Variants in PRELID2 observed in about 807,000 individuals in gnomAD.
PRELID2 encodes the protein PRELI domain-containing protein 2.
Under a neutral mutation model 28.4 loss-of-function variants are expected in PRELID2, and 25 were observed. The ratio of observed to expected loss-of-function variants is 0.88; its 90% CI spans 0.64 to 1.23. The LOEUF (loss-of-function observed/expected upper bound fraction) is 1.23. PRELID2 is among the 50% of genes most tolerant of loss of function. The pLI is 0.00. For missense variants in PRELID2, 201 were observed against 214.4 expected (o/e 0.94, Z 0.39); for synonymous variants, 76 against 71.6 (o/e 1.06, Z -0.31).
intron 1 of PRELID2, among the ~76,000 whole-genome samples, chr5:145,652,787 T>C (rs186746611): frequency 0.08 from 12,154 of 152,198 alleles, 670 homozygotes; most frequent in Admixed American, 0.18. Flanking sequence ...TACCAGCCAC[T>C]GCAAAAACAT....
intron 1 of PRELID2, among the ~76,000 whole-genome samples, chr5:145,683,808 A>G (rs924441300): frequency 3.3e-5 from 5 of 152,208 alleles, no homozygotes; most frequent in Admixed American, 1.3e-4. Context: ...GAGCTGACCA[A>G]TCACAAAGGG....
the PRELID2 span, among the ~76,000 whole-genome samples, chr5:145,466,132 A>G: frequency 6.6e-6 from 1 of 152,148 alleles, no homozygotes; most frequent in Non-Finnish European, 1.5e-5. Context: ...AGTCCTTGGA[A>G]GCTGAACAGT....
chr5:145,257,732 G>A, the PRELID2 span, among the ~76,000 whole-genome samples: 1 of 152,172 alleles, frequency 6.6e-6, no homozygotes, highest in Non-Finnish European at 1.5e-5. Context: ...TATTATCAGA[G>A]ACAAAGAAAG....
intron 1 of PRELID2, 111 bp downstream of exon 1, chr5:145,835,066 G>A (rs1755846374): frequency 8.4e-6 from 6 of 717,090 alleles, no homozygotes; most frequent in Non-Finnish European, 1.4e-5. Flanking sequence ...AGCAAAGCCC[G>A]CAGCTGGAAA....
At chr5:145,723,038 T>C (rs1756035042) in intron 1 of PRELID2, among the ~76,000 whole-genome samples, 1 of 152,144 alleles carries the variant, frequency 6.6e-6, no homozygotes, top group East Asian at 1.9e-4. Context: ...TCAAAAATCA[T>C]TGTATGAAGC....
chr5:145,653,838 A>T (rs574612908), intron 1 of PRELID2, among the ~76,000 whole-genome samples: 21 of 152,344 alleles, frequency 1.4e-4, no homozygotes, highest in African/African-American at 5.1e-4. Flanking sequence ...AATTAAAAGA[A>T]TTAGAGAAGC....
the PRELID2 span, among the ~76,000 whole-genome samples, chr5:145,411,034 C>T: frequency 3.3e-5 from 5 of 152,074 alleles, no homozygotes; most frequent in Non-Finnish European, 5.9e-5. Context: ...AAAGGGCCTA[C>T]AGTCTCCATG....
intron 1 of PRELID2, among the ~76,000 whole-genome samples, chr5:145,828,457 GAAGAT>G (rs1425667456): frequency 6.6e-6 from 1 of 152,114 alleles, no homozygotes; most frequent in Non-Finnish European, 1.5e-5. Context: ...AAAATGATTA[GAAGAT>G]AATATATCTG....
intron 4 of PRELID2, among the ~76,000 whole-genome samples, chr5:145,800,266 T>C (rs1753039509): frequency 6.7e-6 from 1 of 150,156 alleles, no homozygotes; most frequent in African/African-American, 2.5e-5. Context: ...AGAATTCCTC[T>C]CTCCCTCTCC....
chr5:145,551,895 A>G (rs1752838565), intron 1 of PRELID2, among the ~76,000 whole-genome samples: 1 of 152,106 alleles, frequency 6.6e-6, no homozygotes, highest in African/African-American at 2.4e-5. Flanking sequence ...GACACAGCCA[A>G]CCCACAGCCC....
chr5:145,754,967 C>T (rs1757218866), downstream of PRELID2, among the ~76,000 whole-genome samples: 1 of 152,148 alleles, frequency 6.6e-6, no homozygotes, highest in Non-Finnish European at 1.5e-5. Context: ...AAACTCTACA[C>T]TCAATAAGTG....
At chr5:145,660,181 T>C (rs1754466299) in intron 1 of PRELID2, among the ~76,000 whole-genome samples, 1 of 152,112 alleles carries the variant, frequency 6.6e-6, no homozygotes, top group South Asian at 2.1e-4. Flanking sequence ...GAATCACAGG[T>C]TTCTCTGGAG....
At chr5:145,399,572 C>T in the PRELID2 span, among the ~76,000 whole-genome samples, 1 of 151,990 alleles carries the variant, frequency 6.6e-6, no homozygotes, top group African/African-American at 2.4e-5. Context: ...GACCATTTAC[C>T]CTCTATATAG....
At chr5:145,746,343 A>G (rs973122497) in intron 1 of PRELID2, among the ~76,000 whole-genome samples, 1 of 152,154 alleles carries the variant, frequency 6.6e-6, no homozygotes, top group African/African-American at 2.4e-5. Flanking sequence ...AATGGAAAGC[A>G]AAAAAACAAA....
chr5:145,306,963 T>C, the PRELID2 span, among the ~76,000 whole-genome samples: 1 of 152,218 alleles, frequency 6.6e-6, no homozygotes, highest in Non-Finnish European at 1.5e-5. Context: ...ACAACTACTT[T>C]TAATATTATA....
chr5:145,344,081 A>G, the PRELID2 span, among the ~76,000 whole-genome samples: 2 of 151,990 alleles, frequency 1.3e-5, no homozygotes, highest in South Asian at 2.1e-4. Flanking sequence ...CAAACATACA[A>G]AGAAGAACTA....
intron 4 of PRELID2, among the ~76,000 whole-genome samples, chr5:145,803,641 T>C (rs570210976): frequency 2.0e-5 from 3 of 151,692 alleles, no homozygotes; most frequent in Admixed American, 2.0e-4. Context: ...CAAAGTACTA[T>C]GTGTAAGCAC....
chr5:145,803,684 G>A (rs1323841737), intron 4 of PRELID2, among the ~76,000 whole-genome samples: 3 of 143,348 alleles, frequency 2.1e-5, no homozygotes, highest in African/African-American at 7.8e-5. Context: ...ACTAACATTA[G>A]TAATAATTAT....
downstream of PRELID2, among the ~76,000 whole-genome samples, chr5:145,753,966 G>C (rs986135764): frequency 6.6e-6 from 1 of 151,918 alleles, no homozygotes; most frequent in Admixed American, 6.6e-5. Flanking sequence ...TGAGGTTCTC[G>C]GGCTCGCAGG....
Sources: gnomAD v4.1 joint callset for allele counts (sites outside exome capture counted in the v4.1 genomes callset) on GRCh38, gnomAD v4.1.1 for gene constraint, MANE v1.5 for transcripts, NCBI Gene and HGNC (gene_info 2026-07-23, HGNC 2026-07-21) for gene names.